The following DAAM2 variants were observed in gnomAD, a reference collection of about 807,000 sequenced individuals.
DAAM2 encodes dishevelled associated activator of morphogenesis 2, also known as disheveled-associated activator of morphogenesis 2.
DAAM2 carries 39 observed loss-of-function variants against 120.7 expected under a neutral mutation model. The observed-to-expected ratio is 0.32, with a 90% CI of 0.25 to 0.42. The LOEUF is 0.42. Among genes scored for constraint, DAAM2 ranks in the 10% least tolerant of loss-of-function variants. The probability of loss-of-function intolerance (pLI) is 1.00; values close to 1 mark genes in which losing one functional copy is unlikely to be tolerated. For missense variants in DAAM2, 1,283 were observed against 1,401.7 expected, an observed-to-expected ratio of 0.92 and a Z score of 1.35; for synonymous variants, 488 against 524.9, an observed-to-expected ratio of 0.93 and a Z score of 0.96.
intron 2 of DAAM2, 43 bp from the exon 3 acceptor site, chr6:39,860,885 C>A: frequency 6.7e-7 from 1 of 1,492,400 alleles, no homozygotes; most frequent in Non-Finnish European, 9.2e-7. Flanking sequence ...CTAATCTCAA[C>A]CATCCCTAGT....
chr6:39,868,467 G>C (rs577251907), intron 6 of DAAM2: 2 of 255,380 alleles, frequency 7.8e-6, no homozygotes, highest in African/African-American at 4.4e-5. Context: ...AGACGGAAAA[G>C]GGATAAAAGC....
chr6:39,856,587 G>T, intron 2 of DAAM2, 117 bp downstream of exon 2: 1 of 813,142 alleles, frequency 1.2e-6, no homozygotes, highest in Non-Finnish European at 1.8e-6. Flanking sequence ...AACTCCTCTT[G>T]GGAGGAGATA....
intron 20 of DAAM2, 86 bp from the exon 21 acceptor site, chr6:39,897,089 T>G: frequency 6.6e-7 from 1 of 1,516,238 alleles, no homozygotes; most frequent in Middle Eastern, 1.7e-4. Flanking sequence ...CATCACCCCT[T>G]TCTCTTAACA....
At chr6:39,868,977 G>C (rs1764541068) in intron 7 of DAAM2, 44 bp downstream of exon 7, 1 of 1,377,722 alleles carries the variant, frequency 7.3e-7, no homozygotes, top group African/African-American at 1.4e-5. Context: ...TGACTTTCTG[G>C]ACCTGGGGTA....
chr6:39,878,561 G>A lies in DAAM2; in HGVS notation c.1518G>A (p.Glu506=). The A allele has an allele frequency of 6.2e-7, 1 of 1,608,148 alleles. No individual in the cohort carries two copies. Among genetic ancestry groups the A allele is most frequent in the Non-Finnish European group, 8.5e-7 (1 of 1,177,452 alleles). Residue 506 remains glutamate (E), a synonymous_variant, in exon 13 of 25, where the codon GAG becomes GAA. Transcript: ENST00000274867. The surrounding 1 kb of genome is among the most constrained non-coding windows in gnomAD (Gnocchi z 5.0). ...GCCAGGCTCGGGGACAAGTGGCAGAGCTGGTAGCCCAGCTCAGTGAACTCT... is the reference window on the plus strand; with the variant it reads ...GCCAGGCTCGGGGACAAGTGGCAGAACTGGTAGCCCAGCTCAGTGAACTCT... ...ELRQARGQVA[E]LVAQLSELST... is the part of the protein sequence containing the mutation.
rs1273684980 is a variant in DAAM2, at chr6:39,901,553, A to G, written c.2982+81A>G. 3 of 1,460,160 alleles carry G rather than the reference A, an allele frequency of 2.1e-6. No individual in the cohort carries two copies. The highest frequency in any genetic ancestry group is 1.4e-5 in the African/African-American group (1 of 71,826). The allele number at this position is 1,460,160 out of a possible 1,614,324, so 90.5% of individuals were successfully genotyped here. A position where few individuals can be genotyped will look rare whatever the true frequency, so the allele number is the denominator to read the frequency against. ...ACACCCCCAAACTGGGGTGTGTGGG[A>G]GGAGGGCAGAGACTGAGGAACTGAG... is the stretch of plus-strand genomic sequence containing the variant. On this transcript the variant is annotated intron_variant, in intron 24 of 24. Coordinates refer to ENST00000274867, the MANE Select transcript of DAAM2 (RefSeq NM_001201427.2). This position sits in a 1 kb window ranked among gnomAD's most constrained non-coding sequence, Gnocchi z 4.5.
chr6:39,849,791 G>A (rs1763737709), intron 1 of DAAM2, among the ~76,000 whole-genome samples: 1 of 152,108 alleles, frequency 6.6e-6, no homozygotes, highest in African/African-American at 2.4e-5. Context: ...GTGGGCAGTG[G>A]GGAGATGTGT....
chr6:39,863,726 TG>T lies in DAAM2; in HGVS notation c.259-703del, dbSNP rs1211478335. ...AACTCCCATCATTCTTGCCCATACTTGGGGAAGAGTCGAGCCTGTCTCTTGA... is the reference window on the plus strand; with the variant it reads ...AACTCCCATCATTCTTGCCCATACTTGGGAAGAGTCGAGCCTGTCTCTTGA... On this transcript the variant is annotated intron_variant, in intron 3 of 24. Transcript: ENST00000274867. Among the ~76,000 whole-genome samples, 3 of 152,256 alleles carry T rather than the reference TG, an allele frequency of 2.0e-5. No homozygotes were observed. The East Asian group carries it at 5.8e-4, about 29-fold the overall frequency.
At chr6:39,892,499 C>T (rs1314947820) in intron 19 of DAAM2, among the ~76,000 whole-genome samples, 2 of 152,150 alleles carry the variant, frequency 1.3e-5, no homozygotes, top group African/African-American at 2.4e-5. Context: ...GCTGCCTGTG[C>T]TGATGGCACA....
chr6:39,898,383 G>C (rs1462222653), intron 21 of DAAM2, among the ~76,000 whole-genome samples: 1 of 152,158 alleles, frequency 6.6e-6, no homozygotes, highest in African/African-American at 2.4e-5. Context: ...CCCTACAATG[G>C]ATGGTCCAAG....
intron 1 of DAAM2, among the ~76,000 whole-genome samples, chr6:39,835,141 C>A (rs536877205): frequency 6.6e-6 from 1 of 152,186 alleles, no homozygotes; most frequent in Non-Finnish European, 1.5e-5. Context: ...ATCTCTGGTG[C>A]CTGGCACATC....
chr6:39,842,557 C>T lies in DAAM2; in HGVS notation c.-56-13690C>T, dbSNP rs997707301. Among the ~76,000 whole-genome samples the T allele has an allele frequency of 3.3e-5, 5 of 152,140 alleles. No homozygotes were observed. The East Asian group carries it at 5.8e-4, about 18-fold the overall frequency. ...CTGAGGCAGGAGAATCGCTTGAACC[C>T]GGGAGGCGGAGGTTGCAGTGAGCCG... is the stretch of plus-strand genomic sequence containing the variant. On this transcript the variant is annotated intron_variant, in intron 1 of 24. Transcript: ENST00000274867.
chr6:39,864,577 C>T lies in DAAM2; in HGVS notation c.333+70C>T, dbSNP rs571016834. The stretch of plus-strand genomic sequence containing the variant: ...TACGGCAGGGAGTGATTCCCCCAGC[C>T]CCCACCCCCCACACACCAAACTGCC... On this transcript the variant is annotated intron_variant, in intron 4 of 24. Transcript: ENST00000274867. The T allele has an allele frequency of 2.5e-4, 318 of 1,275,944 alleles. 1 individual carries two copies. The highest frequency in any genetic ancestry group is 3.2e-4 in the Non-Finnish European group (291 of 908,678). The allele number at this position is 1,275,944 out of a possible 1,614,324, so 79.0% of individuals were successfully genotyped here.
chr6:39,799,448 A>G (rs181520122), intron 1 of DAAM2, among the ~76,000 whole-genome samples: 12 of 152,358 alleles, frequency 7.9e-5, no homozygotes, highest in Admixed American at 7.8e-4. Context: ...TGTGTTGCAT[A>G]ATTTTTATAG....
At chr6:39,850,428 C>T (rs1763765960) in intron 1 of DAAM2, among the ~76,000 whole-genome samples, 1 of 152,192 alleles carries the variant, frequency 6.6e-6, no homozygotes. Flanking sequence ...TCTAACTCTC[C>T]TTGTTGTCAC....
chr6:39,864,321 C>T (rs2149300418), intron 3 of DAAM2, 112 bp from the exon 4 acceptor site: 2 of 770,760 alleles, frequency 2.6e-6, no homozygotes, highest in Non-Finnish European at 4.3e-6. Context: ...ACCCACCCGA[C>T]ATGGGCAGAG....
In DAAM2 at chr6:39,904,429, G is replaced by C. The variant is rs73414848; in HGVS notation, c.*2392G>C. On this transcript the variant is annotated 3_prime_UTR_variant, in exon 25 of 25. Transcript: ENST00000274867. ...GGGGTGGCTGAGCTGGTCCTTAATA[G>C]GTTGTTTCTTGGTCTTGCTTTCTTC... is the stretch of plus-strand genomic sequence containing the variant. 0.013 allele frequency: 5,963 copies of C among 454,958 alleles called. 280 individuals carry two copies. The highest frequency in any genetic ancestry group is 0.1 in the African/African-American group (5,199 of 50,074). The allele number at this position is 454,958 out of a possible 1,614,324, so 28.2% of individuals were successfully genotyped here.
At chr6:39,869,841 C>T (rs1325937414) in intron 7 of DAAM2, among the ~76,000 whole-genome samples, 1 of 149,094 alleles carries the variant, frequency 6.7e-6, no homozygotes, top group African/African-American at 2.5e-5. Flanking sequence ...TAATCTGCCC[C>T]TAAGATGCTA....
chr6:39,833,506 C>G (rs1762993754), intron 1 of DAAM2, among the ~76,000 whole-genome samples: 1 of 152,106 alleles, frequency 6.6e-6, no homozygotes, highest in Admixed American at 6.5e-5. Flanking sequence ...CAGAGTTTCA[C>G]CATGTTGGCC....
Sources: allele counts gnomAD v4.1 joint callset (sites outside exome capture counted in the v4.1 genomes callset), GRCh38; gene constraint gnomAD v4.1.1; non-coding constraint Gnocchi (gnomAD v3.1); transcripts MANE v1.5; gene names NCBI Gene and HGNC (gene_info 2026-07-23, HGNC 2026-07-21).